RBFOX1: variants seen among roughly 807,000 people sequenced by gnomAD.
RBFOX1 encodes RNA binding fox-1 homolog 1, also known as RNA binding protein fox-1 homolog 1.
A neutral mutation model predicts 57.7 loss-of-function variants in RBFOX1; 8 were observed. The observed-to-expected ratio is 0.14, with a 90% CI of 0.08 to 0.25. The LOEUF is 0.25. RBFOX1 is among the 10% of genes least tolerant of loss of function. The pLI, the probability that RBFOX1 is intolerant of heterozygous loss-of-function variation, is 1.00. For synonymous variants in RBFOX1, 326 were observed against 222.4 expected, an observed-to-expected ratio of 1.47 and a Z score of -4.15; for missense variants, 611 against 548.5, an observed-to-expected ratio of 1.11 and a Z score of -1.14.
At chr16:6,711,502 T>C (rs2063708763) in intron 3 of RBFOX1, among the ~76,000 whole-genome samples, 1 of 152,180 alleles carries the variant, frequency 6.6e-6, no homozygotes, top group South Asian at 2.1e-4. Context: ...GCTGTTCTTG[T>C]GGTAGAGAGT....
intron 3 of RBFOX1, among the ~76,000 whole-genome samples, chr16:6,722,608 C>G (rs1044247674): frequency 6.6e-6 from 1 of 152,112 alleles, no homozygotes; most frequent in East Asian, 1.9e-4. Flanking sequence ...ATCAAGGGGT[C>G]CTTAAGTTTC....
At chr16:6,547,129 T>C (rs1230608295) in intron 2 of RBFOX1, among the ~76,000 whole-genome samples, 1 of 152,224 alleles carries the variant, frequency 6.6e-6, no homozygotes, top group East Asian at 1.9e-4. Flanking sequence ...TATCTGGCGC[T>C]CTTTTACTAA....
chr16:7,492,775 T>C (rs971975225), intron 4 of RBFOX1, among the ~76,000 whole-genome samples: 1 of 152,066 alleles, frequency 6.6e-6, no homozygotes, highest in Non-Finnish European at 1.5e-5. Context: ...CTTCACTCTC[T>C]CTTGCCCCGA....
chr16:6,622,855 TTTG>T (rs1567926316), intron 2 of RBFOX1, among the ~76,000 whole-genome samples: 1 of 152,174 alleles, frequency 6.6e-6, no homozygotes, highest in Non-Finnish European at 1.5e-5. Flanking sequence ...AAATTTAGTT[TTTG>T]TTGTTTTTAT....
intron 3 of RBFOX1, among the ~76,000 whole-genome samples, chr16:5,853,837 C>T (rs896242298): frequency 6.6e-6 from 1 of 152,126 alleles, no homozygotes; most frequent in Non-Finnish European, 1.5e-5. Flanking sequence ...CTCACTGCAG[C>T]CTTGAACTCC....
At chr16:5,376,818 G>C (rs1354497381) in intron 1 of RBFOX1, among the ~76,000 whole-genome samples, 2 of 151,654 alleles carry the variant, frequency 1.3e-5, no homozygotes, top group African/African-American at 4.9e-5. Context: ...AAAGTCCCCA[G>C]TAGCAGCCTC....
At chr16:5,320,615 A>T (rs1450582089) in intron 1 of RBFOX1, among the ~76,000 whole-genome samples, 2 of 152,182 alleles carry the variant, frequency 1.3e-5, no homozygotes, top group Non-Finnish European at 2.9e-5. Flanking sequence ...TTCTCCTAAC[A>T]TGCTTTTGTT....
chr16:6,603,748 G>C (rs1451209720), intron 2 of RBFOX1, among the ~76,000 whole-genome samples: 1 of 152,162 alleles, frequency 6.6e-6, no homozygotes, highest in East Asian at 1.9e-4. Flanking sequence ...TGGACATCAG[G>C]ATGGCCTTAA....
At chr16:5,586,859 G>T (rs1012080196) in intron 2 of RBFOX1, among the ~76,000 whole-genome samples, 5 of 152,190 alleles carry the variant, frequency 3.3e-5, no homozygotes, top group Non-Finnish European at 5.9e-5. Context: ...GATGAGGTTT[G>T]GACCAGGACA....
At chr16:7,081,205 T>C (rs1218936730) in intron 4 of RBFOX1, among the ~76,000 whole-genome samples, 3 of 152,154 alleles carry the variant, frequency 2.0e-5, no homozygotes, top group Non-Finnish European at 4.4e-5. Context: ...CAGCTAATGT[T>C]TGTATTTTTA....
chr16:5,569,204 A>G (rs1431739265), intron 2 of RBFOX1, among the ~76,000 whole-genome samples: 2 of 152,024 alleles, frequency 1.3e-5, no homozygotes, highest in African/African-American at 2.4e-5. Flanking sequence ...TCCTAAAGTC[A>G]GGGCATTGGT....
intron 4 of RBFOX1, among the ~76,000 whole-genome samples, chr16:7,278,152 G>A (rs550523455): frequency 6.6e-6 from 1 of 152,246 alleles, no homozygotes; most frequent in South Asian, 2.1e-4. Context: ...GGTAAATTCT[G>A]TGCACGTGGT....
At chr16:5,647,949 T>C (rs2049104564) in intron 3 of RBFOX1, among the ~76,000 whole-genome samples, 1 of 152,198 alleles carries the variant, frequency 6.6e-6, no homozygotes, top group Admixed American at 6.5e-5. Flanking sequence ...AACATCCACC[T>C]CCTGGGTTCA....
chr16:6,739,938 C>G (rs2071551349), intron 3 of RBFOX1, among the ~76,000 whole-genome samples: 1 of 152,040 alleles, frequency 6.6e-6, no homozygotes, highest in African/African-American at 2.4e-5. Flanking sequence ...ACTCTGGTCA[C>G]AAAACTGGAC....
chr16:7,072,508 T>C (rs2057531563), intron 4 of RBFOX1, among the ~76,000 whole-genome samples: 1 of 152,198 alleles, frequency 6.6e-6, no homozygotes, highest in Non-Finnish European at 1.5e-5. Context: ...AACTAAATAT[T>C]AATACATGTT....
At chr16:6,943,975 C>T (rs2079015510) in intron 3 of RBFOX1, among the ~76,000 whole-genome samples, 1 of 152,128 alleles carries the variant, frequency 6.6e-6, no homozygotes, top group Admixed American at 6.6e-5. Context: ...GGGGGCTGCC[C>T]AACTCACGAA....
intron 3 of RBFOX1, among the ~76,000 whole-genome samples, chr16:7,035,988 TC>T (rs1423610685): frequency 6.6e-6 from 1 of 152,192 alleles, no homozygotes; most frequent in Non-Finnish European, 1.5e-5. Context: ...TCCTCAAGTT[TC>T]TCAAGCTACA....
At chr16:5,948,677 AC>A (rs1437755320) in intron 4 of RBFOX1, among the ~76,000 whole-genome samples, 2 of 152,108 alleles carry the variant, frequency 1.3e-5, no homozygotes, top group African/African-American at 4.8e-5. Context: ...GCAACAAGAA[AC>A]CGGGAGGGAC....
At chr16:6,708,192 C>T (rs1353101212) in intron 3 of RBFOX1, among the ~76,000 whole-genome samples, 1 of 151,918 alleles carries the variant, frequency 6.6e-6, no homozygotes, top group Non-Finnish European at 1.5e-5. Flanking sequence ...CTTATTAAGC[C>T]CCCTCCTTTG....
Sources: gnomAD v4.1 joint callset for allele counts (sites outside exome capture counted in the v4.1 genomes callset) on GRCh38, gnomAD v4.1.1 for gene constraint, MANE v1.5 for transcripts, NCBI Gene and HGNC (gene_info 2026-07-23, HGNC 2026-07-21) for gene names.